CTNNA2: variants seen among roughly 807,000 people sequenced by gnomAD.
CTNNA2 encodes the protein catenin alpha-2.
In CTNNA2, 42 loss-of-function variants were observed where a neutral mutation model predicts 101.0. That is an observed-to-expected ratio of 0.42 (90% CI 0.32 to 0.54). The LOEUF (loss-of-function observed/expected upper bound fraction) is 0.54, where lower values mean the gene tolerates loss of function less well. Among genes scored for constraint, CTNNA2 ranks in the 20% least tolerant of loss-of-function variants. CTNNA2 has a pLI of 0.14. For synonymous variants in CTNNA2, 450 were observed against 456.4 expected, an observed-to-expected ratio of 0.99 and a Z score of 0.18; for missense variants, 871 against 1,223.1, an observed-to-expected ratio of 0.71 and a Z score of 4.29.
intron 7 of CTNNA2, among the ~76,000 whole-genome samples, chr2:80,319,307 G>GTT (rs371545017): frequency 6.6e-6 from 1 of 151,608 alleles, no homozygotes; most frequent in African/African-American, 2.4e-5. Context: ...ATACCAACCA[G>GTT]TTTTTTTTTG....
At chr2:79,351,906 T>G (rs989181798) in intron 3 of CTNNA2, among the ~76,000 whole-genome samples, 3 of 152,200 alleles carry the variant, frequency 2.0e-5, no homozygotes, top group African/African-American at 2.4e-5. Context: ...TACAGACACA[T>G]ATGACCTTTT....
At chr2:80,163,742 G>A (rs559012076) in intron 7 of CTNNA2, among the ~76,000 whole-genome samples, 3 of 152,120 alleles carry the variant, frequency 2.0e-5, no homozygotes, top group Non-Finnish European at 4.4e-5. Flanking sequence ...TAATTGTAGA[G>A]TTGTCTATTC....
At chr2:79,530,413 C>T (rs756192471) in intron 1 of CTNNA2, among the ~76,000 whole-genome samples, 21 of 152,108 alleles carry the variant, frequency 1.4e-4, no homozygotes, top group Admixed American at 8.5e-4. Context: ...TATCTCTTTA[C>T]TGAGAAACCA....
intron 7 of CTNNA2, among the ~76,000 whole-genome samples, chr2:79,957,631 CT>C (rs1689330083): frequency 6.6e-6 from 1 of 152,182 alleles, no homozygotes; most frequent in African/African-American, 2.4e-5. Context: ...ATCTCTATGT[CT>C]CTTGTTCTCT....
At chr2:80,059,401 T>C (rs951984498) in intron 7 of CTNNA2, among the ~76,000 whole-genome samples, 2 of 152,254 alleles carry the variant, frequency 1.3e-5, no homozygotes, top group Non-Finnish European at 2.9e-5. Context: ...TAAATGCACA[T>C]TGAAACTCTG....
intron 12 of CTNNA2, among the ~76,000 whole-genome samples, chr2:80,571,882 A>G (rs1032249015): frequency 2.0e-5 from 3 of 152,020 alleles, no homozygotes; most frequent in Non-Finnish European, 4.4e-5. Flanking sequence ...GTTTTGTATA[A>G]TTTTCTTCTT....
At chr2:80,231,921 A>G (rs1709236809) in intron 7 of CTNNA2, among the ~76,000 whole-genome samples, 1 of 152,064 alleles carries the variant, frequency 6.6e-6, no homozygotes, top group East Asian at 1.9e-4. Flanking sequence ...TCTGCCATCT[A>G]TTGCCTCTAA....
At chr2:79,643,730 C>T (rs1402252639) in intron 1 of CTNNA2, among the ~76,000 whole-genome samples, 1 of 152,108 alleles carries the variant, frequency 6.6e-6, no homozygotes, top group East Asian at 1.9e-4. Context: ...CTGTGTCTTA[C>T]TGGAGGCTCT....
intron 9 of CTNNA2, among the ~76,000 whole-genome samples, chr2:80,479,749 G>A (rs919527786): frequency 1.3e-5 from 2 of 152,058 alleles, no homozygotes; most frequent in Admixed American, 1.3e-4. Context: ...CACTAGAAAG[G>A]GATGTCCTCT....
At chr2:79,242,599 C>A (rs1674640770) in intron 2 of CTNNA2, among the ~76,000 whole-genome samples, 1 of 152,184 alleles carries the variant, frequency 6.6e-6, no homozygotes, top group Admixed American at 6.5e-5. Flanking sequence ...AATAACATCA[C>A]CTAACATAAA....
At chr2:79,278,814 A>G (rs954583965) in intron 2 of CTNNA2, among the ~76,000 whole-genome samples, 1 of 152,084 alleles carries the variant, frequency 6.6e-6, no homozygotes, top group African/African-American at 2.4e-5. Context: ...ACATCAGAGA[A>G]AAGAAGAGGG....
At chr2:79,752,278 G>T (rs966490311) in intron 3 of CTNNA2, among the ~76,000 whole-genome samples, 4 of 152,118 alleles carry the variant, frequency 2.6e-5, no homozygotes, top group Non-Finnish European at 2.9e-5. Context: ...AATATCCAGC[G>T]AACAAAGAAT....
intron 3 of CTNNA2, among the ~76,000 whole-genome samples, chr2:79,778,348 A>G (rs938148322): frequency 1.3e-5 from 2 of 152,126 alleles, no homozygotes; most frequent in African/African-American, 4.8e-5. Flanking sequence ...CCATCAAAAA[A>G]AAAAATAAAA....
intron 7 of CTNNA2, among the ~76,000 whole-genome samples, chr2:79,964,709 A>G (rs1471609021): frequency 1.3e-5 from 2 of 152,216 alleles, no homozygotes; most frequent in African/African-American, 2.4e-5. Flanking sequence ...TAGAATTCCT[A>G]TGCAACTTGA....
rs34542700 is a variant in CTNNA2, at chr2:79,798,560, C to CTTTTTT, written c.298+53995_298+54000dup. Among the ~76,000 whole-genome samples the CTTTTTT allele has an allele frequency of 3.7e-3, 456 of 123,730 alleles. 3 individuals carry two copies. The highest frequency in any genetic ancestry group is 0.012 in the African/African-American group (400 of 34,124). 81.2% of individuals were successfully genotyped at this position (123,730 alleles called of 152,430 possible). On this transcript the variant is annotated intron_variant, in intron 3 of 18. Coordinates refer to ENST00000402739, the MANE Select transcript of CTNNA2 (RefSeq NM_001282597.3). Reference sequence around the variant, plus strand: ...AAGCCAACTAATTTATATAATAAGACTTTTTTTTTTTTTTTTTTTTTTACA... The same window carrying CTTTTTT: ...AAGCCAACTAATTTATATAATAAGACTTTTTTTTTTTTTTTTTTTTTTTTTTTTACA...
chr2:80,211,393 A>G (rs1054392455), intron 7 of CTNNA2, among the ~76,000 whole-genome samples: 2 of 152,162 alleles, frequency 1.3e-5, no homozygotes, highest in African/African-American at 4.8e-5. Context: ...TAATTTTTGT[A>G]TAAGGTATAA....
intron 2 of CTNNA2, among the ~76,000 whole-genome samples, chr2:79,242,987 TATATATACACAC>T (rs1483879647): frequency 1.8e-5 from 1 of 54,438 alleles, no homozygotes; most frequent in African/African-American, 4.4e-5. Flanking sequence ...TATATATATA[TATATATACACAC>T]ACACACACAC....
chr2:80,468,871 T>A (rs564032252), intron 9 of CTNNA2, among the ~76,000 whole-genome samples: 2 of 152,316 alleles, frequency 1.3e-5, no homozygotes, highest in African/African-American at 4.8e-5. Flanking sequence ...AGGAGGATGA[T>A]GAATTTTGCC....
At chr2:80,637,590 G>A (rs939276430) in intron 18 of CTNNA2, among the ~76,000 whole-genome samples, 4 of 152,124 alleles carry the variant, frequency 2.6e-5, no homozygotes, top group Non-Finnish European at 5.9e-5. Context: ...GAATCTCTCT[G>A]CTCTCTCCTC....
Sources: allele counts gnomAD v4.1 joint callset (sites outside exome capture counted in the v4.1 genomes callset), GRCh38; gene constraint gnomAD v4.1.1; transcripts MANE v1.5; gene names NCBI Gene and HGNC (gene_info 2026-07-23, HGNC 2026-07-21).